Variants in QTMAN observed in about 807,000 individuals in gnomAD.
QTMAN encodes queuosine-tRNA mannosyltransferase.
At chr2:144,207,884 G>T in the QTMAN span, among the ~76,000 whole-genome samples, 1 of 151,810 alleles carries the variant, frequency 6.6e-6, no homozygotes, top group Non-Finnish European at 1.5e-5. Flanking sequence ...AGGGATGGGG[G>T]TCTCACTCTA....
At chr2:144,221,407 G>A in the QTMAN span, among the ~76,000 whole-genome samples, 1 of 152,126 alleles carries the variant, frequency 6.6e-6, no homozygotes, top group African/African-American at 2.4e-5. Flanking sequence ...AATATATATT[G>A]CCATGGGAAA....
the QTMAN span, among the ~76,000 whole-genome samples, chr2:144,133,146 TATATAATATA>T: frequency 5.6e-5 from 3 of 53,242 alleles, no homozygotes; most frequent in African/African-American, 2.7e-4. Context: ...TATATATATA[TATATAATATA>T]ATATAATATA....
chr2:144,107,940 C>T, the QTMAN span, among the ~76,000 whole-genome samples: 6 of 152,180 alleles, frequency 3.9e-5, no homozygotes, highest in Non-Finnish European at 8.8e-5. Context: ...GGATGCAAAG[C>T]TGGTTCAACA....
the QTMAN span, chr2:144,211,721 C>T: frequency 1.3e-5 from 2 of 151,532 alleles, no homozygotes; most frequent in Non-Finnish European, 2.9e-5. Context: ...TTTTAGAAAA[C>T]TGCTTGAAAC....
chr2:144,073,831 G>A, the QTMAN span, among the ~76,000 whole-genome samples: 1 of 152,338 alleles, frequency 6.6e-6, no homozygotes, highest in Admixed American at 6.5e-5. Context: ...CAACTCAGTT[G>A]TGTTGAGTGA....
the QTMAN span, among the ~76,000 whole-genome samples, chr2:144,190,295 C>T: frequency 2.0e-5 from 3 of 152,142 alleles, no homozygotes; most frequent in African/African-American, 7.2e-5. Flanking sequence ...TCCTTGCTCA[C>T]TCGTTCAAAT....
At chr2:143,963,031 C>A in the QTMAN span, among the ~76,000 whole-genome samples, 3 of 147,704 alleles carry the variant, frequency 2.0e-5, no homozygotes, top group East Asian at 3.9e-4. Flanking sequence ...GAGAGTTTTC[C>A]CCCCTAAAAT....
chr2:144,085,657 C>T, the QTMAN span, among the ~76,000 whole-genome samples: 3 of 152,144 alleles, frequency 2.0e-5, no homozygotes, highest in Non-Finnish European at 4.4e-5. Context: ...ATCCAATACA[C>T]CCAAGAGATG....
the QTMAN span, among the ~76,000 whole-genome samples, chr2:144,286,857 C>T: frequency 6.6e-6 from 1 of 152,192 alleles, no homozygotes; most frequent in Non-Finnish European, 1.5e-5. Flanking sequence ...GGCCAGTGTA[C>T]TGTTTACTGA....
chr2:144,248,106 T>C, the QTMAN span, among the ~76,000 whole-genome samples: 1 of 152,208 alleles, frequency 6.6e-6, no homozygotes, highest in Non-Finnish European at 1.5e-5. Context: ...CATGAAGATG[T>C]TTCTGACAGT....
chr2:144,092,870 G>GTGTGTGTGT, the QTMAN span, among the ~76,000 whole-genome samples: 1,469 of 140,710 alleles, frequency 0.01, 42 homozygotes, highest in African/African-American at 0.035. Flanking sequence ...AAACTTTTGG[G>GTGTGTGTGT]GTGTGTGTGT....
chr2:144,143,460 T>C, the QTMAN span, among the ~76,000 whole-genome samples: 1 of 151,992 alleles, frequency 6.6e-6, no homozygotes, highest in Admixed American at 6.6e-5. Flanking sequence ...ACTATTACAA[T>C]GTTAATATCT....
chr2:144,028,513 T>C, the QTMAN span, among the ~76,000 whole-genome samples: 3 of 152,310 alleles, frequency 2.0e-5, no homozygotes, highest in African/African-American at 2.4e-5. Flanking sequence ...TGAGGCTGCT[T>C]CCTACTGGCC....
chr2:144,168,436 C>T, the QTMAN span, among the ~76,000 whole-genome samples: 10 of 152,080 alleles, frequency 6.6e-5, no homozygotes, highest in Non-Finnish European at 1.5e-5. Flanking sequence ...ATTATTTTCT[C>T]TAATATGTAC....
the QTMAN span, among the ~76,000 whole-genome samples, chr2:143,967,496 A>G: frequency 2.0e-5 from 3 of 151,954 alleles, no homozygotes; most frequent in African/African-American, 4.8e-5. Flanking sequence ...ATGCCTGGCT[A>G]ATTTTTGTAT....
chr2:143,996,845 T>A, the QTMAN span, among the ~76,000 whole-genome samples: 1 of 152,034 alleles, frequency 6.6e-6, no homozygotes, highest in Admixed American at 6.6e-5. Flanking sequence ...ACATTTCTTT[T>A]GGTGGGGAAA....
chr2:144,133,115 TAA>T, the QTMAN span, among the ~76,000 whole-genome samples: 5 of 8,954 alleles, frequency 5.6e-4, no homozygotes, highest in African/African-American at 2.6e-3. Flanking sequence ...GAATGACTGG[TAA>T]TATATATATA....
the QTMAN span, among the ~76,000 whole-genome samples, chr2:144,143,341 T>G: frequency 1.3e-5 from 2 of 151,988 alleles, no homozygotes; most frequent in Non-Finnish European, 2.9e-5. Flanking sequence ...AGACATGTTA[T>G]GTCCACAGGA....
the QTMAN span, among the ~76,000 whole-genome samples, chr2:144,064,620 T>G: frequency 6.6e-6 from 1 of 152,060 alleles, no homozygotes; most frequent in Non-Finnish European, 1.5e-5. Flanking sequence ...TTTAGCAATA[T>G]AGAAGTAGGG....
Sources: allele counts gnomAD v4.1 joint callset (sites outside exome capture counted in the v4.1 genomes callset), GRCh38; gene constraint gnomAD v4.1.1; transcripts MANE v1.5; gene names NCBI Gene and HGNC (gene_info 2026-07-23, HGNC 2026-07-21).